RGS7BP: variants seen among roughly 807,000 people sequenced by gnomAD.
RGS7BP encodes the protein regulator of G protein signaling 7-binding protein.
RGS7BP carries 9 observed loss-of-function variants against 31.3 expected under a neutral mutation model. The ratio of observed to expected loss-of-function variants is 0.29; its 90% CI spans 0.17 to 0.50. The LOEUF is 0.50. Among genes scored for constraint, RGS7BP ranks in the 20% least tolerant of loss-of-function variants. The probability of loss-of-function intolerance (pLI) is 0.98; values close to 1 mark genes in which losing one functional copy is unlikely to be tolerated. For missense variants in RGS7BP, 274 were observed against 322.0 expected, an observed-to-expected ratio of 0.85 and a Z score of 1.14; for synonymous variants, 115 against 120.1, an observed-to-expected ratio of 0.96 and a Z score of 0.28.
chr5:64,517,388 T>C (rs1180263034), intron 2 of RGS7BP, among the ~76,000 whole-genome samples: 3 of 152,186 alleles, frequency 2.0e-5, no homozygotes, highest in Admixed American at 2.0e-4. Context: ...AGAATGGATA[T>C]TGGGAAACAA....
intron 4 of RGS7BP, 91 bp from the exon 5 acceptor site, chr5:64,598,274 T>C: frequency 2.6e-6 from 2 of 770,826 alleles, no homozygotes; most frequent in Non-Finnish European, 4.7e-6. Flanking sequence ...ACACAGACCC[T>C]CATCTTTCAG....
chr5:64,537,329 C>T (rs541239761), intron 2 of RGS7BP, among the ~76,000 whole-genome samples: 172 of 152,252 alleles, frequency 1.1e-3, no homozygotes, highest in Non-Finnish European at 1.8e-3. Flanking sequence ...TGTGTTGGGC[C>T]ACATTCAAAG....
intron 2 of RGS7BP, among the ~76,000 whole-genome samples, chr5:64,511,073 G>A (rs1467088295): frequency 1.3e-5 from 2 of 152,212 alleles, no homozygotes; most frequent in Non-Finnish European, 2.9e-5. Context: ...GCAAGATAGA[G>A]AGGAAGAGGA....
intron 2 of RGS7BP, among the ~76,000 whole-genome samples, chr5:64,551,473 G>A (rs1286121790): frequency 6.6e-6 from 1 of 151,564 alleles, no homozygotes; most frequent in Admixed American, 6.6e-5. Context: ...ATTTTGGCCA[G>A]GCTGGTCTCA....
intron 2 of RGS7BP, among the ~76,000 whole-genome samples, chr5:64,526,328 T>C (rs979544597): frequency 6.6e-6 from 1 of 152,186 alleles, no homozygotes; most frequent in Non-Finnish European, 1.5e-5. Flanking sequence ...GAGAGAGTGG[T>C]ACTCTGGGTA....
Position 64,506,401 on chromosome 5 carries a change from C to T in RGS7BP, c.-224C>T, listed in dbSNP as rs1469500221. On this transcript the variant is annotated 5_prime_UTR_variant, in exon 1 of 6. Coordinates refer to ENST00000334025, the MANE Select transcript of RGS7BP (RefSeq NM_001029875.3). The surrounding 1 kb of genome is among the most constrained non-coding windows in gnomAD (Gnocchi z 4.6). ...CTGCTGAGCAGAACTTGATCGCGCT[C>T]CTTCCTCGCTGCTAGTGGAAGCGAT... 2.5e-6 allele frequency: 1 copy of T among 406,404 alleles called. No individual in the cohort carries two copies. Among genetic ancestry groups the T allele is most frequent in the Non-Finnish European group, 4.3e-6 (1 of 230,162 alleles). The allele number at this position is 406,404 out of a possible 1,614,324, so 25.2% of individuals were successfully genotyped here.
chr5:64,571,143 T>C (rs1423207462), intron 2 of RGS7BP, among the ~76,000 whole-genome samples: 7 of 152,160 alleles, frequency 4.6e-5, no homozygotes, highest in Non-Finnish European at 1.0e-4. Flanking sequence ...GTTTTACCTG[T>C]TCTAGAGCCT....
chr5:64,555,755 A>T (rs1007831850), intron 2 of RGS7BP, among the ~76,000 whole-genome samples: 1 of 152,182 alleles, frequency 6.6e-6, no homozygotes, highest in East Asian at 1.9e-4. Flanking sequence ...AATTTCACAC[A>T]TTGTAAATTA....
At chr5:64,526,439 A>G (rs1749232903) in intron 2 of RGS7BP, among the ~76,000 whole-genome samples, 1 of 152,220 alleles carries the variant, frequency 6.6e-6, no homozygotes, top group African/African-American at 2.4e-5. Context: ...TTGTGGGCCA[A>G]TTAACTTTGC....
At chr5:64,508,730 A>T (rs1016039608) in intron 2 of RGS7BP, among the ~76,000 whole-genome samples, 4 of 152,230 alleles carry the variant, frequency 2.6e-5, no homozygotes, top group African/African-American at 9.6e-5. Context: ...TGGATATAGT[A>T]TTTACCTGTT....
chr5:64,602,342 TCTGCAATCTCTTG>T (rs1743239501), intron 5 of RGS7BP, among the ~76,000 whole-genome samples: 1 of 152,236 alleles, frequency 6.6e-6, no homozygotes, highest in African/African-American at 2.4e-5. Flanking sequence ...CTTTGCAATT[TCTGCAATCTCTTG>T]TCCAAGATTC....
At chr5:64,545,682 G>C (rs181275791) in intron 2 of RGS7BP, among the ~76,000 whole-genome samples, 104 of 152,302 alleles carry the variant, frequency 6.8e-4, no homozygotes, top group African/African-American at 2.4e-3. Flanking sequence ...GTAGTTAACT[G>C]CATCTAAGAA....
At chr5:64,572,848 AG>A (rs1742330171) in intron 2 of RGS7BP, among the ~76,000 whole-genome samples, 1 of 150,176 alleles carries the variant, frequency 6.7e-6, no homozygotes, top group Non-Finnish European at 1.5e-5. Context: ...TTTAAGTTTT[AG>A]GGTACATGTG....
At chr5:64,583,524 A>G (rs1426152932) in intron 3 of RGS7BP, among the ~76,000 whole-genome samples, 1 of 152,198 alleles carries the variant, frequency 6.6e-6, no homozygotes, top group Non-Finnish European at 1.5e-5. Context: ...GGGAAAAGAA[A>G]GAACAGAAAT....
At chr5:64,562,586 T>C (rs918333231) in intron 2 of RGS7BP, among the ~76,000 whole-genome samples, 16 of 152,228 alleles carry the variant, frequency 1.1e-4, no homozygotes, top group Admixed American at 1.0e-3. Flanking sequence ...CTTTCCTCTT[T>C]TTGAGGAAGT....
chr5:64,555,329 T>G lies in RGS7BP; in HGVS notation c.333-20445T>G, dbSNP rs536982040. 2.3e-3 allele frequency among the ~76,000 whole-genome samples: 349 copies of G among 152,290 alleles called. 5 individuals carry two copies. Among genetic ancestry groups the G allele is most frequent in the African/African-American group, 7.3e-3 (304 of 41,572 alleles). ...CTGTTTTCTTATGAACTAAAGGAGC[T>G]CATCACATTTTAGACAAACATATTT... On this transcript the variant is annotated intron_variant, in intron 2 of 5. Coordinates refer to ENST00000334025, the MANE Select transcript of RGS7BP (RefSeq NM_001029875.3).
intron 2 of RGS7BP, among the ~76,000 whole-genome samples, chr5:64,533,763 A>G (rs1235413206): frequency 6.6e-6 from 1 of 152,224 alleles, no homozygotes; most frequent in African/African-American, 2.4e-5. Context: ...TAGAAGTTTA[A>G]ACGTTATGCC....
At chr5:64,521,823 A>AT (rs1221001434) in intron 2 of RGS7BP, among the ~76,000 whole-genome samples, 2 of 152,100 alleles carry the variant, frequency 1.3e-5, no homozygotes, top group Admixed American at 6.6e-5. Context: ...CGTTTGTGTA[A>AT]TTTTTTTCTA....
In RGS7BP at chr5:64,611,840, C is replaced by G. The variant is rs1743512238; in HGVS notation, c.*2588C>G. On this transcript the variant is annotated 3_prime_UTR_variant, in exon 6 of 6. Coordinates refer to ENST00000334025, the MANE Select transcript of RGS7BP (RefSeq NM_001029875.3). ...TGCATCCCTTAGGAGCTGCCCCACT[C>G]TCCTCTCACCTACCAAAGGATTTTC... 6.6e-6 allele frequency: 1 copy of G among 151,962 alleles called. No homozygotes were observed. Among genetic ancestry groups the G allele is most frequent in the Non-Finnish European group, 1.5e-5 (1 of 67,878 alleles). 9.4% of individuals were successfully genotyped at this position (151,962 alleles called of 1,614,324 possible). A position where few individuals can be genotyped will look rare whatever the true frequency, so the allele number is the denominator to read the frequency against.
Sources: gnomAD v4.1 joint callset for allele counts (sites outside exome capture counted in the v4.1 genomes callset) on GRCh38, gnomAD v4.1.1 for gene constraint, Gnocchi (gnomAD v3.1) non-coding constraint, MANE v1.5 for transcripts, NCBI Gene and HGNC (gene_info 2026-07-23, HGNC 2026-07-21) for gene names.